The following MEF2A variants were observed in gnomAD, a reference collection of about 807,000 sequenced individuals.
MEF2A encodes myocyte enhancer factor 2A.
In MEF2A, 28 loss-of-function variants were observed where a neutral mutation model predicts 55.8. That is an observed-to-expected ratio of 0.50 (90% CI 0.37 to 0.69). The LOEUF (loss-of-function observed/expected upper bound fraction) is 0.69, where lower values mean the gene tolerates loss of function less well. MEF2A is among the 30% of genes least tolerant of loss of function. The probability of loss-of-function intolerance (pLI) is 0.00; values close to 1 mark genes in which losing one functional copy is unlikely to be tolerated. For synonymous variants in MEF2A, 239 were observed against 227.1 expected (o/e 1.05, Z -0.47); for missense variants, 528 against 626.2 (o/e 0.84, Z 1.67).
intron 4 of MEF2A, among the ~76,000 whole-genome samples, chr15:99,669,765 C>T (rs1320207862): frequency 7.9e-5 from 12 of 152,104 alleles, no homozygotes; most frequent in Non-Finnish European, 1.8e-4. Flanking sequence ...TCTTAATGTA[C>T]TGTGCTTATG....
chr15:99,629,814 C>T (rs1390233821), intron 2 of MEF2A, among the ~76,000 whole-genome samples: 1 of 152,150 alleles, frequency 6.6e-6, no homozygotes, highest in Admixed American at 6.5e-5. Context: ...GTGGCACGTG[C>T]CTGTAGCCCC....
At chr15:99,695,479 C>A (rs1331287932) in intron 8 of MEF2A, among the ~76,000 whole-genome samples, 1 of 151,100 alleles carries the variant, frequency 6.6e-6, no homozygotes, top group African/African-American at 2.4e-5. Context: ...AGCTTTTAAT[C>A]CAGTCATATA....
At chr15:99,585,031 C>T (rs1966852189) in intron 1 of MEF2A, among the ~76,000 whole-genome samples, 1 of 152,060 alleles carries the variant, frequency 6.6e-6, no homozygotes. Context: ...GCTACCTTCT[C>T]CATCCACTAG....
At chr15:99,670,148 A>G (rs2153621832) in intron 4 of MEF2A, among the ~76,000 whole-genome samples, 1 of 152,340 alleles carries the variant, frequency 6.6e-6, no homozygotes, top group Admixed American at 6.5e-5. Context: ...TATTCCATAT[A>G]TCTTCAAGCT....
intron 4 of MEF2A, among the ~76,000 whole-genome samples, chr15:99,659,841 T>A (rs1227371883): frequency 6.6e-6 from 1 of 152,178 alleles, no homozygotes; most frequent in African/African-American, 2.4e-5. Context: ...AAAACTTTGA[T>A]TCATTGGACA....
rs1387789996 is a variant in MEF2A at position 99,607,649 on chromosome 15, G to GA, written c.-143+9139dup. ...AAGTATCTGCATTTTACAAATGAGGGAGCATTAATTATGAGAGTGAGTTGT... is the reference window on the plus strand; with the variant it reads ...AAGTATCTGCATTTTACAAATGAGGGAAGCATTAATTATGAGAGTGAGTTGT... On this transcript the variant is annotated intron_variant, in intron 2 of 11. Coordinates refer to ENST00000557942, the MANE Select transcript of MEF2A (RefSeq NM_001319206.4). Among the ~76,000 whole-genome samples the GA allele has an allele frequency of 4.6e-5, 7 of 152,282 alleles. No individual in the cohort carries two copies. The East Asian group carries it at 1.2e-3, about 25-fold the overall frequency.
intron 8 of MEF2A, among the ~76,000 whole-genome samples, chr15:99,698,618 C>T (rs566827856): frequency 6.6e-5 from 10 of 151,992 alleles, no homozygotes; most frequent in African/African-American, 2.4e-4. Context: ...CATGGAGAAA[C>T]CCCATCTCTA....
At chr15:99,603,698 G>C (rs1974124120) in intron 2 of MEF2A, among the ~76,000 whole-genome samples, 1 of 152,104 alleles carries the variant, frequency 6.6e-6, no homozygotes, top group African/African-American at 2.4e-5. Context: ...ACCATGCCCA[G>C]CCAGTGTTAG....
chr15:99,676,351 C>G (rs932186617), intron 7 of MEF2A, among the ~76,000 whole-genome samples: 12 of 150,570 alleles, frequency 8.0e-5, no homozygotes, highest in African/African-American at 2.9e-4. Flanking sequence ...TTTTTCAGCT[C>G]TTGTTTTAGT....
intron 4 of MEF2A, among the ~76,000 whole-genome samples, chr15:99,650,757 C>T (rs1046977333): frequency 5.7e-4 from 86 of 152,138 alleles, no homozygotes; most frequent in African/African-American, 1.8e-3. Flanking sequence ...TTGAGAGTAC[C>T]TTATTTAAAA....
At chr15:99,605,092 C>T (rs1221224692) in intron 2 of MEF2A, among the ~76,000 whole-genome samples, 6 of 152,160 alleles carry the variant, frequency 3.9e-5, no homozygotes, top group East Asian at 1.9e-4. Context: ...ACTACAGTCA[C>T]GCATCACCAC....
At chr15:99,704,742 C>T (rs891153217) in intron 9 of MEF2A, among the ~76,000 whole-genome samples, 1 of 152,118 alleles carries the variant, frequency 6.6e-6, no homozygotes, top group East Asian at 1.9e-4. Context: ...TATTCTTTCA[C>T]CTAGTGATTG....
In MEF2A at chr15:99,671,205, G is replaced by A. The variant is rs575332036; in HGVS notation, c.259-118G>A. On this transcript the variant is annotated intron_variant, in intron 4 of 11. Transcript: ENST00000557942. ...GTACATTTGTGATCATTTAGAAACC[G>A]TTTCAGTGGCTCTTGTATAATTCAG... The A allele has an allele frequency of 3.8e-4, 405 of 1,053,912 alleles. 2 individuals are homozygous for A. The highest frequency in any genetic ancestry group is 1.2e-3 in the South Asian group (57 of 48,592). 65.3% of individuals were successfully genotyped at this position (1,053,912 alleles called of 1,614,324 possible).
chr15:99,688,719 T>C (rs1420450649), intron 7 of MEF2A, among the ~76,000 whole-genome samples: 2 of 152,280 alleles, frequency 1.3e-5, no homozygotes, highest in Middle Eastern at 3.4e-3. Flanking sequence ...ATCGCGCTGC[T>C]GCACTCCAGC....
intron 4 of MEF2A, among the ~76,000 whole-genome samples, chr15:99,665,201 C>A (rs892675844): frequency 6.6e-6 from 1 of 152,210 alleles, no homozygotes; most frequent in Non-Finnish European, 1.5e-5. Flanking sequence ...AATGGAGGTT[C>A]TAGCCAGGGC....
At chr15:99,578,179 C>T (rs1209524710) in intron 1 of MEF2A, among the ~76,000 whole-genome samples, 1 of 152,192 alleles carries the variant, frequency 6.6e-6, no homozygotes, top group Non-Finnish European at 1.5e-5. Context: ...GTATTAACCT[C>T]ATGGTGATTT....
chr15:99,705,132 T>C (rs2057878017), intron 9 of MEF2A, among the ~76,000 whole-genome samples: 2 of 152,202 alleles, frequency 1.3e-5, no homozygotes, highest in Admixed American at 1.3e-4. Context: ...ATGACTCTGA[T>C]CCGAAGTGCA....
chr15:99,638,855 G>C (rs967133835), intron 3 of MEF2A, among the ~76,000 whole-genome samples: 1 of 152,062 alleles, frequency 6.6e-6, no homozygotes, highest in Admixed American at 6.5e-5. Flanking sequence ...TGAGCCTTCA[G>C]ACCTTGTATG....
At chr15:99,587,153 A>G (rs1967594221) in intron 1 of MEF2A, among the ~76,000 whole-genome samples, 1 of 151,842 alleles carries the variant, frequency 6.6e-6, no homozygotes, top group South Asian at 2.1e-4. Context: ...GGTTTGCTGC[A>G]CCCATCAACC....
Sources: gnomAD v4.1 joint callset for allele counts (sites outside exome capture counted in the v4.1 genomes callset) on GRCh38, gnomAD v4.1.1 for gene constraint, MANE v1.5 for transcripts, NCBI Gene and HGNC (gene_info 2026-07-23, HGNC 2026-07-21) for gene names.